The following CACNB2 variants were observed in gnomAD, a reference collection of about 807,000 sequenced individuals.
CACNB2 encodes calcium voltage-gated channel auxiliary subunit beta 2.
Under a neutral mutation model 73.3 loss-of-function variants are expected in CACNB2, and 42 were observed. The ratio of observed to expected loss-of-function variants is 0.57; its 90% CI spans 0.45 to 0.74. The LOEUF is 0.74. Among genes scored for constraint, CACNB2 ranks in the 30% least tolerant of loss-of-function variants. The probability of loss-of-function intolerance (pLI) is 0.00; values close to 1 mark genes in which losing one functional copy is unlikely to be tolerated. For missense variants in CACNB2, 940 were observed against 853.0 expected (o/e 1.10, Z -1.27); for synonymous variants, 348 against 310.3 (o/e 1.12, Z -1.28).
At chr10:18,412,882 A>C (rs12772024) in intron 3 of CACNB2, among the ~76,000 whole-genome samples, 1 of 152,196 alleles carries the variant, frequency 6.6e-6, no homozygotes, top group Non-Finnish European at 1.5e-5. Context: ...AGGCTTAGGG[A>C]TGCCCAGCAG....
chr10:18,339,388 G>A (rs914587410), intron 2 of CACNB2, among the ~76,000 whole-genome samples: 9 of 152,120 alleles, frequency 5.9e-5, no homozygotes, highest in African/African-American at 1.7e-4. Context: ...AGCTGTGATG[G>A]CACTGGCCTA....
intron 3 of CACNB2, among the ~76,000 whole-genome samples, chr10:18,492,990 G>T (rs1020183291): frequency 4.6e-5 from 7 of 151,924 alleles, no homozygotes; most frequent in African/African-American, 1.7e-4. Context: ...CCACGTTCAC[G>T]GATTCAACCA....
At chr10:18,357,117 GTA>G (rs2041954630) in intron 2 of CACNB2, among the ~76,000 whole-genome samples, 1 of 149,968 alleles carries the variant, frequency 6.7e-6, no homozygotes, top group Non-Finnish European at 1.5e-5. Context: ...GCTAATTTTT[GTA>G]TTTTTAGTAG....
intron 3 of CACNB2, among the ~76,000 whole-genome samples, chr10:18,408,531 G>A (rs1426048961): frequency 6.6e-6 from 1 of 152,052 alleles, no homozygotes; most frequent in African/African-American, 2.4e-5. Context: ...GAGCCACTGT[G>A]CCTGGCCATA....
At chr10:18,151,722 C>G (rs898382472) in intron 2 of CACNB2, among the ~76,000 whole-genome samples, 2 of 152,150 alleles carry the variant, frequency 1.3e-5, no homozygotes, top group African/African-American at 4.8e-5. Flanking sequence ...CTTCCTCTAA[C>G]CCCTCTCCAT....
At position 18,514,351 on chromosome 10, in the gene CACNB2, A is replaced by G. The variant is rs1358734637; in HGVS notation, c.786A>G (p.Arg262=). ...SVTSPHSKEK[R]MPFFKKTEHT... ...CGTCACCCCACTCCAAAGAGAAAAG[A>G]ATGCCCTTCTTTAAGAAGGTAACAT... Residue 262 remains arginine, a synonymous_variant, in exon 7 of 14, where the codon AGA becomes AGG. Transcript: ENST00000324631. 6.2e-7 allele frequency: 1 copy of G among 1,614,064 alleles called. No homozygotes were observed. The highest frequency in any genetic ancestry group is 8.5e-7 in the Non-Finnish European group (1 of 1,180,030).
intron 2 of CACNB2, among the ~76,000 whole-genome samples, chr10:18,342,879 T>C (rs2041290458): frequency 6.6e-6 from 1 of 152,152 alleles, no homozygotes; most frequent in Non-Finnish European, 1.5e-5. Flanking sequence ...TATTATGGGA[T>C]AGTTGTTTAG....
chr10:18,478,211 C>T (rs1020223586), intron 3 of CACNB2, among the ~76,000 whole-genome samples: 1 of 152,304 alleles, frequency 6.6e-6, no homozygotes, highest in Non-Finnish European at 1.5e-5. Context: ...GGATTACAGG[C>T]GTGAGCCACC....
chr10:18,500,675 G>A (rs545274758), intron 4 of CACNB2, 137 bp from the exon 5 acceptor site: 56 of 882,680 alleles, frequency 6.3e-5, no homozygotes, highest in South Asian at 4.8e-4. Context: ...CCCATGAGCC[G>A]AAGGGTTTCT....
At chr10:18,354,551 A>G (rs1180650848) in intron 2 of CACNB2, among the ~76,000 whole-genome samples, 1 of 152,206 alleles carries the variant, frequency 6.6e-6, no homozygotes, top group Non-Finnish European at 1.5e-5. Context: ...GTCACAGAAG[A>G]TGAAGGCTGA....
At chr10:18,504,654 C>CGTGTGTGT (rs879810053) in intron 5 of CACNB2, among the ~76,000 whole-genome samples, 2 of 151,496 alleles carry the variant, frequency 1.3e-5, no homozygotes, top group Non-Finnish European at 2.9e-5. Flanking sequence ...TGTGTGTGTG[C>CGTGTGTGT]GTGTGTGTGA....
At chr10:18,458,505 A>G (rs1268706693) in intron 3 of CACNB2, among the ~76,000 whole-genome samples, 1 of 152,232 alleles carries the variant, frequency 6.6e-6, no homozygotes, top group Non-Finnish European at 1.5e-5. Flanking sequence ...CTGGGTACAT[A>G]CAAATGAATA....
rs770237131 is a variant in CACNB2, at chr10:18,539,400, G to C, written c.1659G>C (p.Glu553Asp). The C allele has an allele frequency of 3.2e-5, 52 of 1,613,968 alleles. No homozygotes were observed. Among genetic ancestry groups the C allele is most frequent in the Admixed American group, 1.3e-4 (8 of 59,988 alleles). The change falls in exon 14 of 14, where the codon GAG becomes GAC. Residue 553 changes from glutamate to aspartate, a missense_variant. Physicochemically the swap from Glu to Asp is conservative, Grantham distance 45. Coordinates refer to ENST00000324631, the MANE Select transcript of CACNB2 (RefSeq NM_201596.3). ...CAAGTCGCGGCCTCTCCAGGCAAGAGACATTTGACTCGGAAACCCAGGAGA... is the reference window on the plus strand; with the variant it reads ...CAAGTCGCGGCCTCTCCAGGCAAGACACATTTGACTCGGAAACCCAGGAGA... ...SGTSRGLSRQ[E>D]TFDSETQESR...
chr10:18,500,689 A>T (rs2050146575), intron 4 of CACNB2, 123 bp from the exon 5 acceptor site: 4 of 988,372 alleles, frequency 4.0e-6, no homozygotes, highest in Middle Eastern at 2.6e-4. Flanking sequence ...GGTTTCTTGA[A>T]TGATAATATT....
At chr10:18,383,406 G>C (rs552075205) in intron 2 of CACNB2, among the ~76,000 whole-genome samples, 1 of 152,210 alleles carries the variant, frequency 6.6e-6, no homozygotes, top group Non-Finnish European at 1.5e-5. Context: ...CAAAGGCACC[G>C]TAAGAGTCTA....
intron 2 of CACNB2, among the ~76,000 whole-genome samples, chr10:18,318,144 CA>C (rs1403500812): frequency 2.0e-5 from 3 of 151,872 alleles, no homozygotes; most frequent in Admixed American, 2.0e-4. Flanking sequence ...CATATGGAAC[CA>C]AAAAAGAGCC....
intron 2 of CACNB2, among the ~76,000 whole-genome samples, chr10:18,152,832 A>G (rs2031718081): frequency 6.6e-6 from 1 of 151,868 alleles, no homozygotes; most frequent in Non-Finnish European, 1.5e-5. Flanking sequence ...AGAAAAACTG[A>G]TATGTTTCAA....
At chr10:18,441,195 G>A (rs2046393012) in intron 3 of CACNB2, among the ~76,000 whole-genome samples, 1 of 152,176 alleles carries the variant, frequency 6.6e-6, no homozygotes, top group South Asian at 2.1e-4. Flanking sequence ...ACCCAGGTCA[G>A]GAGGTCGAGA....
At chr10:18,362,464 A>T (rs1051213377) in intron 2 of CACNB2, among the ~76,000 whole-genome samples, 5 of 152,010 alleles carry the variant, frequency 3.3e-5, no homozygotes, top group Middle Eastern at 3.2e-3. Flanking sequence ...TTTTCCCCCA[A>T]GTGATTATAT....
Sources: allele counts gnomAD v4.1 joint callset (sites outside exome capture counted in the v4.1 genomes callset), GRCh38; gene constraint gnomAD v4.1.1; transcripts MANE v1.5; gene names NCBI Gene and HGNC (gene_info 2026-07-23, HGNC 2026-07-21).